Variants in SH3RF3 observed in about 807,000 individuals in gnomAD.
The protein encoded by SH3RF3 is E3 ubiquitin-protein ligase SH3RF3.
SH3RF3 carries 29 observed loss-of-function variants against 66.3 expected under a neutral mutation model. The observed-to-expected ratio is 0.44, with a 90% confidence interval of 0.33 to 0.60. The LOEUF is 0.60. Ranked by LOEUF, SH3RF3 falls within the 20% of genes least tolerant of loss-of-function variation. The pLI is 0.04. For synonymous variants in SH3RF3, 583 were observed against 532.0 expected (o/e 1.10, Z -1.32); for missense variants, 1,194 against 1,190.9 (o/e 1.00, Z -0.04).
chr2:109,238,500 A>T (rs796209501), intron 1 of SH3RF3, among the ~76,000 whole-genome samples: 15 of 144,938 alleles, frequency 1.0e-4, no homozygotes, highest in South Asian at 4.4e-4. Flanking sequence ...TGTGTGTGTG[A>T]GAGTGAGACA....
intron 7 of SH3RF3, among the ~76,000 whole-genome samples, chr2:109,437,634 C>A (rs540944004): frequency 3.9e-5 from 6 of 152,110 alleles, no homozygotes; most frequent in African/African-American, 1.4e-4. Flanking sequence ...GGGTGAGACT[C>A]GGGCCCAGGC....
At chr2:109,208,799 C>T (rs1371068197) in intron 1 of SH3RF3, among the ~76,000 whole-genome samples, 1 of 152,190 alleles carries the variant, frequency 6.6e-6, no homozygotes, top group Non-Finnish European at 1.5e-5. Context: ...ATGTGTTGAG[C>T]AGATGTCTCA....
chr2:109,282,239 A>C (rs369549192), intron 1 of SH3RF3, among the ~76,000 whole-genome samples: 14 of 152,124 alleles, frequency 9.2e-5, no homozygotes, highest in African/African-American at 3.4e-4. Flanking sequence ...TTTACACATT[A>C]ATGTAGGGAG....
At chr2:109,287,735 C>T (rs930688034) in intron 1 of SH3RF3, among the ~76,000 whole-genome samples, 3 of 152,224 alleles carry the variant, frequency 2.0e-5, no homozygotes, top group African/African-American at 7.2e-5. Flanking sequence ...CAGAGCTCTT[C>T]TCTGTGGCCT....
At chr2:109,424,660 A>G (rs1435698955) in intron 5 of SH3RF3, among the ~76,000 whole-genome samples, 2 of 152,146 alleles carry the variant, frequency 1.3e-5, no homozygotes, top group Non-Finnish European at 2.9e-5. Context: ...CGTTACTGTT[A>G]TGGAGTTGTT....
At chr2:109,184,363 C>T (rs551473230) in intron 1 of SH3RF3, among the ~76,000 whole-genome samples, 36 of 152,252 alleles carry the variant, frequency 2.4e-4, no homozygotes, top group African/African-American at 8.7e-4. Flanking sequence ...CAGGAGTTTC[C>T]TAGCAGGATG....
intron 1 of SH3RF3, among the ~76,000 whole-genome samples, chr2:109,323,490 A>G (rs1352404058): frequency 6.6e-6 from 1 of 152,236 alleles, no homozygotes; most frequent in African/African-American, 2.4e-5. Context: ...ATTCTCTGTT[A>G]GTGATTGGTA....
At chr2:109,402,122 T>A (rs144283999) in intron 4 of SH3RF3, among the ~76,000 whole-genome samples, 24 of 152,326 alleles carry the variant, frequency 1.6e-4, no homozygotes, top group African/African-American at 5.8e-4. Context: ...CCCTGCGGGC[T>A]CCAGTGTGCT....
chr2:109,303,551 C>T lies in SH3RF3; in HGVS notation c.574-44123C>T, dbSNP rs56659136. On this transcript the variant is annotated intron_variant, in intron 1 of 9. Coordinates refer to ENST00000309415, the MANE Select transcript of SH3RF3 (RefSeq NM_001099289.3). ...CAATGGTCTGTTTCCTTCTGAGCCTCCAGGAAGGAAACCCACCCGATGATG... is the reference window on the plus strand; with the variant it reads ...CAATGGTCTGTTTCCTTCTGAGCCTTCAGGAAGGAAACCCACCCGATGATG... 7.4e-3 allele frequency among the ~76,000 whole-genome samples: 1,123 copies of T among 152,316 alleles called. 10 individuals are homozygous for T. The highest frequency in any genetic ancestry group is 0.026 in the African/African-American group (1,073 of 41,568).
chr2:109,368,854 G>A (rs1177185221), intron 2 of SH3RF3, among the ~76,000 whole-genome samples: 4 of 152,128 alleles, frequency 2.6e-5, no homozygotes, highest in African/African-American at 9.7e-5. Flanking sequence ...TGTGTGGGAA[G>A]CCTTTGGTTA....
intron 4 of SH3RF3, among the ~76,000 whole-genome samples, chr2:109,417,526 A>G (rs901284258): frequency 1.3e-5 from 2 of 152,174 alleles, no homozygotes; most frequent in Non-Finnish European, 2.9e-5. Context: ...AGGCAGGCAC[A>G]GGACCCTCCA....
At chr2:109,422,299 A>G (rs1450589369) in intron 5 of SH3RF3, among the ~76,000 whole-genome samples, 2 of 152,212 alleles carry the variant, frequency 1.3e-5, no homozygotes, top group East Asian at 3.9e-4. Context: ...CAGCCATGGA[A>G]TGACTTCAGG....
At chr2:109,138,901 C>A (rs958655222) in intron 1 of SH3RF3, among the ~76,000 whole-genome samples, 2 of 152,176 alleles carry the variant, frequency 1.3e-5, no homozygotes, top group African/African-American at 4.8e-5. Context: ...CAGAAGTGAT[C>A]CAGGCCTTTC....
intron 1 of SH3RF3, among the ~76,000 whole-genome samples, chr2:109,281,694 A>G (rs771155039): frequency 1.4e-4 from 21 of 152,188 alleles, no homozygotes; most frequent in Non-Finnish European, 2.4e-4. Flanking sequence ...GATTCAGGGT[A>G]GAGGAAATCA....
At chr2:109,358,075 CA>C (rs1204104683) in intron 2 of SH3RF3, among the ~76,000 whole-genome samples, 1 of 152,228 alleles carries the variant, frequency 6.6e-6, no homozygotes, top group East Asian at 1.9e-4. Flanking sequence ...CCACCCCTGG[CA>C]ACCACTGACC....
chr2:109,479,859 A>G (rs1378837541), intron 8 of SH3RF3, among the ~76,000 whole-genome samples: 1 of 152,078 alleles, frequency 6.6e-6, no homozygotes, highest in African/African-American at 2.4e-5. Context: ...CTGCCCTCAG[A>G]GCCTTCATAC....
chr2:109,347,542 C>G, intron 1 of SH3RF3, 132 bp from the exon 2 acceptor site: 1 of 1,237,094 alleles, frequency 8.1e-7, no homozygotes, highest in East Asian at 2.6e-5. Context: ...ATATTTTCCA[C>G]TTGCGGGGCA....
Position 109,287,640 on chromosome 2 carries a change from G to A in SH3RF3, c.574-60034G>A, listed in dbSNP as rs115533371. ...GATTTGTCCAATGGGAGGCGGGAGG[G>A]GAACTGTGAGATCAGGGTGTTCCCC... On this transcript the variant is annotated intron_variant, in intron 1 of 9. Coordinates refer to ENST00000309415, the MANE Select transcript of SH3RF3 (RefSeq NM_001099289.3). Among the ~76,000 whole-genome samples, 357 of 152,264 alleles carry A rather than the reference G, an allele frequency of 2.3e-3. 1 individual carries two copies. Among genetic ancestry groups the A allele is most frequent in the African/African-American group, 8.2e-3 (340 of 41,552 alleles).
intron 1 of SH3RF3, among the ~76,000 whole-genome samples, chr2:109,205,737 C>T (rs749674161): frequency 5.3e-5 from 8 of 152,194 alleles, no homozygotes; most frequent in Non-Finnish European, 1.0e-4. Flanking sequence ...TGCTCACTGG[C>T]AGGAAGGCAG....
Sources: gnomAD v4.1 joint callset for allele counts (sites outside exome capture counted in the v4.1 genomes callset) on GRCh38, gnomAD v4.1.1 for gene constraint, MANE v1.5 for transcripts, NCBI Gene and HGNC (gene_info 2026-07-23, HGNC 2026-07-21) for gene names.